TMEM132D: variants seen among roughly 807,000 people sequenced by gnomAD.
The protein encoded by TMEM132D is transmembrane protein 132D, also known as mature OL transmembrane protein.
TMEM132D carries 21 observed loss-of-function variants against 62.3 expected under a neutral mutation model. The observed-to-expected ratio is 0.34, with a 90% CI of 0.24 to 0.49. The LOEUF is 0.49. Ranked by LOEUF, TMEM132D falls within the 20% of genes least tolerant of loss-of-function variation. The pLI, the probability that TMEM132D is intolerant of heterozygous loss-of-function variation, is 0.99. For synonymous variants in TMEM132D, 621 were observed against 575.6 expected, an observed-to-expected ratio of 1.08 and a Z score of -1.13; for missense variants, 1,346 against 1,402.8, an observed-to-expected ratio of 0.96 and a Z score of 0.65.
intron 4 of TMEM132D, among the ~76,000 whole-genome samples, chr12:129,312,557 TTTTG>T (rs1315112364): frequency 6.6e-6 from 1 of 152,214 alleles, no homozygotes; most frequent in Non-Finnish European, 1.5e-5. Flanking sequence ...GAATAGTTTT[TTTTG>T]TTTGTTTGTT....
At chr12:129,104,215 C>A (rs924569635) in intron 5 of TMEM132D, among the ~76,000 whole-genome samples, 2 of 151,206 alleles carry the variant, frequency 1.3e-5, no homozygotes, top group African/African-American at 2.4e-5. Flanking sequence ...TGGAACAGAA[C>A]AGAGCCCTCA....
chr12:129,116,947 A>AAAAAAATT (rs1875913016), intron 5 of TMEM132D, among the ~76,000 whole-genome samples: 1 of 126,118 alleles, frequency 7.9e-6, no homozygotes, highest in Non-Finnish European at 1.7e-5. Context: ...AAAAAAAAAA[A>AAAAAAATT]TCTGTACGTG....
chr12:129,292,488 T>C (rs779275090), intron 4 of TMEM132D, among the ~76,000 whole-genome samples: 2 of 152,040 alleles, frequency 1.3e-5, no homozygotes, highest in Non-Finnish European at 2.9e-5. Context: ...ATCCTGTAAT[T>C]AGAGAAGGGC....
intron 2 of TMEM132D, among the ~76,000 whole-genome samples, chr12:129,567,571 A>C (rs1329830258): frequency 6.6e-6 from 1 of 152,192 alleles, no homozygotes; most frequent in African/African-American, 2.4e-5. Context: ...GTGGATGCAA[A>C]AGCAGATATG....
At chr12:129,723,679 T>C (rs1454468694) in intron 1 of TMEM132D, among the ~76,000 whole-genome samples, 1 of 152,340 alleles carries the variant, frequency 6.6e-6, no homozygotes, top group African/African-American at 2.4e-5. Flanking sequence ...ACAGCCCCTC[T>C]TGTTGCTGGT....
intron 1 of TMEM132D, among the ~76,000 whole-genome samples, chr12:129,845,362 G>C (rs140131923): frequency 1.3e-5 from 2 of 152,134 alleles, no homozygotes; most frequent in African/African-American, 4.8e-5. Flanking sequence ...TCTTTGTGCC[G>C]CTGTTTTAGA....
intron 3 of TMEM132D, among the ~76,000 whole-genome samples, chr12:129,342,664 G>T (rs7397824): frequency 0.73 from 110,473 of 151,856 alleles, 41,459 homozygotes; most frequent in East Asian, 0.98. Context: ...GAAAATTTTC[G>T]CAACCTACTC....
At chr12:129,669,306 G>A (rs774240692) in intron 2 of TMEM132D, among the ~76,000 whole-genome samples, 19 of 152,262 alleles carry the variant, frequency 1.2e-4, no homozygotes, top group Non-Finnish European at 1.9e-4. Context: ...TTAGTACACC[G>A]TTGTTAGCTG....
intron 2 of TMEM132D, among the ~76,000 whole-genome samples, chr12:129,610,518 A>G (rs1350662047): frequency 6.6e-6 from 1 of 152,092 alleles, no homozygotes; most frequent in Admixed American, 6.5e-5. Context: ...AAACAACTCA[A>G]AATACTGGAG....
chr12:129,694,298 G>C (rs1450325607), intron 2 of TMEM132D, among the ~76,000 whole-genome samples: 1 of 152,128 alleles, frequency 6.6e-6, no homozygotes, highest in African/African-American at 2.4e-5. Context: ...GTGCAATCAG[G>C]AGAAAGAGCA....
At chr12:129,653,005 G>T (rs1879970722) in intron 2 of TMEM132D, among the ~76,000 whole-genome samples, 1 of 152,188 alleles carries the variant, frequency 6.6e-6, no homozygotes, top group African/African-American at 2.4e-5. Flanking sequence ...GAAAGGAAGA[G>T]AACCTGGTGT....
At chr12:129,767,071 G>A (rs1002811943) in intron 1 of TMEM132D, among the ~76,000 whole-genome samples, 4 of 152,214 alleles carry the variant, frequency 2.6e-5, no homozygotes, top group Admixed American at 2.6e-4. Flanking sequence ...CAGTCACAGA[G>A]CTGTTACCCA....
At chr12:129,219,685 G>C (rs1879301809) in intron 4 of TMEM132D, among the ~76,000 whole-genome samples, 1 of 152,214 alleles carries the variant, frequency 6.6e-6, no homozygotes, top group Non-Finnish European at 1.5e-5. Context: ...TAAACAGCAG[G>C]TTTCAGAAGT....
At chr12:129,684,692 G>A (rs1405085676) in intron 2 of TMEM132D, among the ~76,000 whole-genome samples, 1 of 152,054 alleles carries the variant, frequency 6.6e-6, no homozygotes, top group Non-Finnish European at 1.5e-5. Context: ...AAGAGTTGGA[G>A]GGCTCAGAAG....
chr12:129,841,137 A>G (rs1873179841), intron 1 of TMEM132D, among the ~76,000 whole-genome samples: 1 of 152,178 alleles, frequency 6.6e-6, no homozygotes, highest in Non-Finnish European at 1.5e-5. Context: ...TATATCTGAC[A>G]TGTGCGCACC....
At chr12:129,720,700 C>T (rs921326456) in intron 1 of TMEM132D, among the ~76,000 whole-genome samples, 4 of 152,142 alleles carry the variant, frequency 2.6e-5, no homozygotes, top group African/African-American at 9.7e-5. Flanking sequence ...TCATCGTCTC[C>T]GAATTTCTGC....
chr12:129,503,573 G>A (rs1259831500), intron 3 of TMEM132D, among the ~76,000 whole-genome samples: 1 of 152,098 alleles, frequency 6.6e-6, no homozygotes, highest in Non-Finnish European at 1.5e-5. Context: ...TTTAAATCTA[G>A]AATCTGCAGT....
chr12:129,201,918 G>A (rs1294968528), intron 5 of TMEM132D, among the ~76,000 whole-genome samples: 1 of 152,078 alleles, frequency 6.6e-6, no homozygotes, highest in Non-Finnish European at 1.5e-5. Context: ...TGTTGATGTA[G>A]GTGGCATTTC....
chr12:129,772,050 GC>G (rs1870771138), intron 1 of TMEM132D, among the ~76,000 whole-genome samples: 1 of 152,012 alleles, frequency 6.6e-6, no homozygotes, highest in Non-Finnish European at 1.5e-5. Context: ...GGGAGAACTT[GC>G]CCAGAGGTAT....
Sources: gnomAD v4.1 joint callset for allele counts (sites outside exome capture counted in the v4.1 genomes callset) on GRCh38, gnomAD v4.1.1 for gene constraint, MANE v1.5 for transcripts, NCBI Gene and HGNC (gene_info 2026-07-23, HGNC 2026-07-21) for gene names.